The following CAMTA1 variants were observed in gnomAD, a reference collection of about 807,000 sequenced individuals.
CAMTA1 encodes the protein calmodulin-binding transcription activator 1.
A neutral mutation model predicts 170.9 loss-of-function variants in CAMTA1; 27 were observed. The observed-to-expected ratio is 0.16, with a 90% confidence interval of 0.12 to 0.22. The LOEUF is 0.22. CAMTA1 is among the 10% of genes least tolerant of loss of function. The pLI is 1.00. For synonymous variants in CAMTA1, 833 were observed against 891.5 expected, an observed-to-expected ratio of 0.93 and a Z score of 1.17; for missense variants, 1,619 against 2,217.2, an observed-to-expected ratio of 0.73 and a Z score of 5.42.
At chr1:7,009,082 A>G (rs1383712057) in intron 3 of CAMTA1, among the ~76,000 whole-genome samples, 2 of 152,136 alleles carry the variant, frequency 1.3e-5, no homozygotes, top group South Asian at 2.1e-4. Flanking sequence ...GGAGAGCAGT[A>G]CCCTCAGCCC....
intron 10 of CAMTA1, among the ~76,000 whole-genome samples, chr1:7,672,718 A>G (rs980429529): frequency 6.6e-6 from 1 of 151,498 alleles, no homozygotes; most frequent in Admixed American, 6.6e-5. Context: ...ACTGTGCCCC[A>G]TCTCTCTCAG....
chr1:7,467,727 C>T (rs1208762747), intron 5 of CAMTA1, 103 bp from the exon 6 acceptor site: 4 of 1,069,352 alleles, frequency 3.7e-6, no homozygotes, highest in Non-Finnish European at 4.4e-6. Context: ...GGGCCGCTGC[C>T]AGGCGGCTGT....
intron 6 of CAMTA1, among the ~76,000 whole-genome samples, chr1:7,507,132 A>G (rs979485865): frequency 6.6e-6 from 1 of 151,234 alleles, no homozygotes; most frequent in Admixed American, 6.6e-5. Flanking sequence ...TCTCACATTC[A>G]CACACTCACA....
At chr1:7,301,075 TATTACCCAGGAGCCC>T (rs1674682336) in intron 5 of CAMTA1, among the ~76,000 whole-genome samples, 1 of 152,154 alleles carries the variant, frequency 6.6e-6, no homozygotes, top group Admixed American at 6.5e-5. Context: ...CTTCCATGGC[TATTACCCAGGAGCCC>T]AGAAATATGA....
intron 6 of CAMTA1, among the ~76,000 whole-genome samples, chr1:7,568,134 A>G (rs1174696605): frequency 3.3e-5 from 5 of 151,572 alleles, no homozygotes; most frequent in Non-Finnish European, 7.4e-5. Flanking sequence ...CATCATCATG[A>G]TCACTATCAC....
At chr1:6,995,349 G>A (rs1697085252) in intron 3 of CAMTA1, among the ~76,000 whole-genome samples, 1 of 123,208 alleles carries the variant, frequency 8.1e-6, no homozygotes, top group Admixed American at 9.8e-5. Context: ...TCGCCAGGCT[G>A]GAGTAGTGCA....
chr1:7,741,263 T>C (rs2096811441), intron 16 of CAMTA1, among the ~76,000 whole-genome samples: 1 of 152,080 alleles, frequency 6.6e-6, no homozygotes, highest in Non-Finnish European at 1.5e-5. Context: ...TAGGCTGAAA[T>C]ATGCTAGTTA....
intron 3 of CAMTA1, among the ~76,000 whole-genome samples, chr1:6,926,202 G>T (rs187804864): frequency 2.0e-5 from 3 of 152,262 alleles, no homozygotes; most frequent in African/African-American, 4.8e-5. Flanking sequence ...TCTGCCCCAC[G>T]TTGGGAGGGG....
At chr1:6,926,295 TTCCTC>T (rs202206246) in intron 3 of CAMTA1, among the ~76,000 whole-genome samples, 38 of 150,554 alleles carry the variant, frequency 2.5e-4, no homozygotes, top group Middle Eastern at 3.5e-3. Context: ...CTACCTTCCT[TTCCTC>T]TCCTCTCCTC....
At chr1:7,450,883 A>G (rs1012994642) in intron 5 of CAMTA1, among the ~76,000 whole-genome samples, 15 of 149,542 alleles carry the variant, frequency 1.0e-4, no homozygotes, top group African/African-American at 3.5e-4. Flanking sequence ...AGGGCATCTC[A>G]TCTTACTGTT....
intron 6 of CAMTA1, among the ~76,000 whole-genome samples, chr1:7,512,143 A>G (rs999060879): frequency 4.6e-5 from 7 of 152,286 alleles, no homozygotes; most frequent in African/African-American, 1.7e-4. Context: ...TCATTCATTT[A>G]TTCAGAAATG....
At chr1:7,160,396 T>A (rs541691052) in intron 4 of CAMTA1, among the ~76,000 whole-genome samples, 1 of 152,272 alleles carries the variant, frequency 6.6e-6, no homozygotes, top group South Asian at 2.1e-4. Flanking sequence ...AACGACCTCC[T>A]GGTTGCCATC....
chr1:7,156,128 AAT>A lies in CAMTA1; in HGVS notation c.302+64759_302+64760del, dbSNP rs1491216302. Among the ~76,000 whole-genome samples the A allele has an allele frequency of 1.3e-4, 18 of 141,722 alleles. No individual in the cohort carries two copies. The South Asian group carries it at 1.4e-3, about 11-fold the overall frequency. The allele number at this position is 141,722 out of a possible 152,430, so 93.0% of individuals were successfully genotyped here. A position where few individuals can be genotyped will look rare whatever the true frequency, so the allele number is the denominator to read the frequency against. On this transcript the variant is annotated intron_variant, in intron 4 of 22. Transcript: ENST00000303635. ...GTCTCTACAAAAAATACAAAAAAAA[AAT>A]AGCCAGATGTGGTGGCACGTGTGAT...
intron 5 of CAMTA1, among the ~76,000 whole-genome samples, chr1:7,410,030 A>G (rs1424774334): frequency 6.6e-6 from 1 of 152,212 alleles, no homozygotes; most frequent in Non-Finnish European, 1.5e-5. Context: ...TTCGAAGGGA[A>G]TGGGGGCCAG....
intron 3 of CAMTA1, among the ~76,000 whole-genome samples, chr1:7,027,443 A>G (rs1702171226): frequency 6.6e-6 from 1 of 152,220 alleles, no homozygotes; most frequent in African/African-American, 2.4e-5. Context: ...TCAATGACCT[A>G]GAGATCAATA....
chr1:6,821,599 G>A (rs916869759), intron 2 of CAMTA1, among the ~76,000 whole-genome samples: 3 of 152,028 alleles, frequency 2.0e-5, no homozygotes, highest in African/African-American at 7.2e-5. Flanking sequence ...AAGATTAATC[G>A]TAATCAACTT....
At chr1:7,275,439 G>A (rs1228457661) in intron 5 of CAMTA1, among the ~76,000 whole-genome samples, 1 of 151,876 alleles carries the variant, frequency 6.6e-6, no homozygotes, top group African/African-American at 2.4e-5. Context: ...GAAATAGTAA[G>A]TAGACAAACA....
At chr1:7,432,433 A>G (rs946398165) in intron 5 of CAMTA1, among the ~76,000 whole-genome samples, 1 of 152,160 alleles carries the variant, frequency 6.6e-6, no homozygotes, top group Admixed American at 6.5e-5. Flanking sequence ...ATCTGAGGGA[A>G]TGGGAGGAGC....
rs766856411 is a variant in CAMTA1 at position 7,654,985 on chromosome 1, TAC to T, written c.665-6734_665-6733del. Among the ~76,000 whole-genome samples, 6 of 119,498 alleles carry T rather than the reference TAC, an allele frequency of 5.0e-5. No individual in the cohort carries two copies. The South Asian group carries it at 8.1e-4, about 16-fold the overall frequency. The allele number at this position is 119,498 out of a possible 152,430, so 78.4% of individuals were successfully genotyped here. A position where few individuals can be genotyped will look rare whatever the true frequency, so the allele number is the denominator to read the frequency against. The stretch of plus-strand genomic sequence containing the variant: ...ACACCCACCTATACACACACACCTA[TAC>T]ACACACCCACACACACCTATACACA... On this transcript the variant is annotated intron_variant, in intron 7 of 22. Transcript: ENST00000303635.
Sources: allele counts gnomAD v4.1 joint callset (sites outside exome capture counted in the v4.1 genomes callset), GRCh38; gene constraint gnomAD v4.1.1; transcripts MANE v1.5; gene names NCBI Gene and HGNC (gene_info 2026-07-23, HGNC 2026-07-21).